FSTL5: variants seen among roughly 807,000 people sequenced by gnomAD.
FSTL5 encodes the protein follistatin like 5, also known as follistatin-related protein 5.
FSTL5 carries 62 observed loss-of-function variants against 89.1 expected under a neutral mutation model. The observed-to-expected ratio is 0.70, with a 90% confidence interval of 0.57 to 0.86. FSTL5 has a LOEUF of 0.86. Among genes scored for constraint, FSTL5 ranks in the 40% least tolerant of loss-of-function variants. The pLI, the probability that FSTL5 is intolerant of heterozygous loss-of-function variation, is 0.00. For missense variants in FSTL5, 1,057 were observed against 1,001.6 expected, an observed-to-expected ratio of 1.06 and a Z score of -0.75; for synonymous variants, 383 against 346.2, an observed-to-expected ratio of 1.11 and a Z score of -1.18.
intron 2 of FSTL5, among the ~76,000 whole-genome samples, chr4:162,100,419 G>T (rs1360314668): frequency 6.6e-6 from 1 of 152,110 alleles, no homozygotes; most frequent in Non-Finnish European, 1.5e-5. Flanking sequence ...AATTATCCAG[G>T]TGTGGTGAGG....
At chr4:161,706,446 A>G (rs1424182629) in intron 6 of FSTL5, among the ~76,000 whole-genome samples, 3 of 152,038 alleles carry the variant, frequency 2.0e-5, no homozygotes, top group Non-Finnish European at 2.9e-5. Context: ...TAAAAACGTT[A>G]TTGAATTATC....
At chr4:161,666,425 T>C (rs991422257) in intron 6 of FSTL5, among the ~76,000 whole-genome samples, 1 of 152,180 alleles carries the variant, frequency 6.6e-6, no homozygotes, top group African/African-American at 2.4e-5. Flanking sequence ...TAAATTCTTA[T>C]ATAACATGAA....
chr4:161,980,354 T>C, intron 3 of FSTL5, among the ~76,000 whole-genome samples: 1 of 151,884 alleles, frequency 6.6e-6, no homozygotes, highest in Middle Eastern at 3.2e-3. Context: ...ACGGAAGGAT[T>C]TGAAAAGTAA....
chr4:161,982,988 T>C (rs933180283), intron 3 of FSTL5, among the ~76,000 whole-genome samples: 2 of 152,212 alleles, frequency 1.3e-5, no homozygotes, highest in African/African-American at 4.8e-5. Flanking sequence ...ACCCACATGC[T>C]GTACTTTGTT....
At chr4:161,866,088 TGGAAGG>T (rs1732077849) in intron 4 of FSTL5, among the ~76,000 whole-genome samples, 1 of 152,208 alleles carries the variant, frequency 6.6e-6, no homozygotes, top group Non-Finnish European at 1.5e-5. Flanking sequence ...ACATCTTACC[TGGAAGG>T]TATTTTAGGA....
intron 15 of FSTL5, among the ~76,000 whole-genome samples, chr4:161,438,115 G>C (rs1391110374): frequency 1.4e-5 from 2 of 147,172 alleles, no homozygotes; most frequent in African/African-American, 5.4e-5. Context: ...TGTGCAAAAA[G>C]AAGCCGTCGA....
intron 4 of FSTL5, 69 bp from the exon 5 acceptor site, chr4:161,776,143 T>C: frequency 1.2e-6 from 1 of 819,372 alleles, no homozygotes; most frequent in Non-Finnish European, 1.8e-6. Context: ...AATTAAGGTT[T>C]AGAAGTTATT....
intron 13 of FSTL5, among the ~76,000 whole-genome samples, chr4:161,475,680 A>C (rs994881519): frequency 1.3e-5 from 2 of 151,712 alleles, no homozygotes; most frequent in African/African-American, 4.9e-5. Flanking sequence ...AGCATCTTTA[A>C]GATAGTTATT....
chr4:161,777,685 T>C (rs1741462991), intron 4 of FSTL5, among the ~76,000 whole-genome samples: 2 of 152,156 alleles, frequency 1.3e-5, no homozygotes, highest in Non-Finnish European at 2.9e-5. Flanking sequence ...AGCTAAATCA[T>C]AAGCTTACTG....
chr4:162,011,970 T>C (rs1294043530), intron 3 of FSTL5, among the ~76,000 whole-genome samples: 4 of 152,212 alleles, frequency 2.6e-5, no homozygotes, highest in Non-Finnish European at 5.9e-5. Context: ...TTTTGACTTA[T>C]CTAGCAATTC....
intron 4 of FSTL5, among the ~76,000 whole-genome samples, chr4:161,897,403 G>A (rs898360412): frequency 3.3e-5 from 5 of 150,986 alleles, no homozygotes; most frequent in Non-Finnish European, 7.4e-5. Flanking sequence ...CACAAAAGGG[G>A]AGTTTTTGCT....
intron 3 of FSTL5, among the ~76,000 whole-genome samples, chr4:162,016,938 A>C (rs1349093622): frequency 2.6e-5 from 4 of 152,220 alleles, no homozygotes; most frequent in African/African-American, 9.6e-5. Context: ...TCTTGATTGA[A>C]ACAGGATTTG....
intron 15 of FSTL5, among the ~76,000 whole-genome samples, chr4:161,434,425 T>G (rs1368098641): frequency 2.0e-5 from 3 of 152,102 alleles, no homozygotes; most frequent in African/African-American, 4.8e-5. Context: ...ATTAAAGGCT[T>G]AAATATGAGA....
Position 161,908,293 on chromosome 4 carries a change from A to G in FSTL5, c.409+12111T>C, listed in dbSNP as rs1472511355. Among the ~76,000 whole-genome samples, 5 of 152,162 alleles carry G rather than the reference A, an allele frequency of 3.3e-5. No individual in the cohort carries two copies. In the East Asian group the frequency reaches 9.7e-4, roughly 29 times the overall value. ...AGGTTCCAATACATGATTATCATGTATTAACTAAAAAAAAATCATATTTGT... is the reference window on the plus strand; with the variant it reads ...AGGTTCCAATACATGATTATCATGTGTTAACTAAAAAAAAATCATATTTGT... On this transcript the variant is annotated intron_variant, in intron 4 of 15. Coordinates refer to ENST00000306100, the MANE Select transcript of FSTL5 (RefSeq NM_020116.5).
intron 7 of FSTL5, among the ~76,000 whole-genome samples, chr4:161,629,667 A>C (rs752235648): frequency 6.6e-6 from 1 of 152,124 alleles, no homozygotes; most frequent in Non-Finnish European, 1.5e-5. Flanking sequence ...TTAATGAAAG[A>C]AGCATCTTGG....
intron 7 of FSTL5, among the ~76,000 whole-genome samples, chr4:161,615,444 C>CAAAA (rs570217571): frequency 9.2e-5 from 8 of 87,296 alleles, no homozygotes; most frequent in Admixed American, 1.3e-4. Flanking sequence ...GACTCCATCT[C>CAAAA]AAAAAAAAAA....
intron 1 of FSTL5, among the ~76,000 whole-genome samples, chr4:162,113,767 T>A (rs770962912): frequency 7.9e-5 from 12 of 152,166 alleles, no homozygotes; most frequent in Non-Finnish European, 1.5e-4. Context: ...CCCAAAAACT[T>A]TCACACATCA....
chr4:161,510,176 C>T (rs1578887139), intron 11 of FSTL5, among the ~76,000 whole-genome samples: 1 of 151,930 alleles, frequency 6.6e-6, no homozygotes, highest in South Asian at 2.1e-4. Context: ...TTCAATATAT[C>T]GCAATGACAC....
chr4:162,092,441 T>C (rs1730584992), intron 2 of FSTL5, among the ~76,000 whole-genome samples: 5 of 152,238 alleles, frequency 3.3e-5, no homozygotes, highest in Admixed American at 3.3e-4. Flanking sequence ...GCCAGTAGTA[T>C]TTGTTATTAT....
Sources: gnomAD v4.1 joint callset for allele counts (sites outside exome capture counted in the v4.1 genomes callset) on GRCh38, gnomAD v4.1.1 for gene constraint, MANE v1.5 for transcripts, NCBI Gene and HGNC (gene_info 2026-07-23, HGNC 2026-07-21) for gene names.